The following LSAMP variants were observed in gnomAD, a reference collection of about 807,000 sequenced individuals.
The protein encoded by LSAMP is limbic system associated membrane protein, also known as limbic system-associated membrane protein.
LSAMP carries 7 observed loss-of-function variants against 38.6 expected under a neutral mutation model. That is an observed-to-expected ratio of 0.18 (90% CI 0.10 to 0.34). LSAMP has a LOEUF of 0.34. LSAMP is among the 10% of genes least tolerant of loss of function. The pLI is 1.00. For synonymous variants in LSAMP, 154 were observed against 166.8 expected, an observed-to-expected ratio of 0.92 and a Z score of 0.59; for missense variants, 313 against 420.0, an observed-to-expected ratio of 0.75 and a Z score of 2.23.
chr3:116,121,582 A>G (rs9289044), intron 1 of LSAMP, among the ~76,000 whole-genome samples: 19,380 of 152,158 alleles, frequency 0.13, 4,027 homozygotes, highest in African/African-American at 0.44. Flanking sequence ...TTGGCAGCAG[A>G]CATTCCTCTT....
At chr3:116,441,149 T>C (rs2107890015) in intron 1 of LSAMP, among the ~76,000 whole-genome samples, 1 of 152,362 alleles carries the variant, frequency 6.6e-6, no homozygotes, top group East Asian at 1.9e-4. Flanking sequence ...CTTGGGAATC[T>C]GTAATACTTG....
chr3:116,311,733 A>AT (rs2047561049), intron 1 of LSAMP, among the ~76,000 whole-genome samples: 1 of 152,174 alleles, frequency 6.6e-6, no homozygotes, highest in Non-Finnish European at 1.5e-5. Context: ...TTGTTGTACA[A>AT]TTTAAATAAG....
intron 1 of LSAMP, among the ~76,000 whole-genome samples, chr3:116,182,679 G>T (rs1348600679): frequency 6.6e-6 from 1 of 151,608 alleles, no homozygotes; most frequent in Non-Finnish European, 1.5e-5. Context: ...AGAATCACCT[G>T]TTTTTTTGAT....
At chr3:116,331,956 G>T (rs527921963) in intron 1 of LSAMP, among the ~76,000 whole-genome samples, 1 of 151,820 alleles carries the variant, frequency 6.6e-6, no homozygotes, top group African/African-American at 2.4e-5. Context: ...TCTCACCTCA[G>T]CCTCCCAAGT....
chr3:115,861,782 CT>C (rs570408935), intron 3 of LSAMP, among the ~76,000 whole-genome samples: 129 of 152,192 alleles, frequency 8.5e-4, no homozygotes, highest in African/African-American at 3.0e-3. Context: ...GGAGTATATT[CT>C]ATAGGTACTT....
chr3:116,387,534 AAACT>A (rs898626836), intron 1 of LSAMP, among the ~76,000 whole-genome samples: 1 of 152,140 alleles, frequency 6.6e-6, no homozygotes, highest in African/African-American at 2.4e-5. Context: ...TAACAAACAA[AAACT>A]AACAAAAAAA....
chr3:115,854,489 A>G (rs1321650542), intron 3 of LSAMP, among the ~76,000 whole-genome samples: 1 of 151,826 alleles, frequency 6.6e-6, no homozygotes, highest in Non-Finnish European at 1.5e-5. Context: ...TCACCGTGTT[A>G]GCCAAGATGG....
At chr3:116,238,734 C>T (rs1256568880) in intron 1 of LSAMP, among the ~76,000 whole-genome samples, 2 of 152,130 alleles carry the variant, frequency 1.3e-5, no homozygotes, top group Non-Finnish European at 2.9e-5. Context: ...ATCTGCCCCT[C>T]CTCTAAAATT....
At position 116,112,313 on chromosome 3, in the gene LSAMP, C is replaced by T. The variant is rs554373496; in HGVS notation, c.156-25757G>A. 7.2e-5 allele frequency among the ~76,000 whole-genome samples: 11 copies of T among 152,126 alleles called. No homozygotes were observed. The South Asian group carries it at 1.0e-3, about 14-fold the overall frequency. ...GATTGTGTGCACCTCAATAAAAGGACGCATAAGTATGATACAGGGCAGGAG... is the reference window on the plus strand; with the variant it reads ...GATTGTGTGCACCTCAATAAAAGGATGCATAAGTATGATACAGGGCAGGAG... On this transcript the variant is annotated intron_variant, in intron 1 of 6. Coordinates refer to ENST00000490035, the MANE Select transcript of LSAMP (RefSeq NM_002338.5).
intron 3 of LSAMP, among the ~76,000 whole-genome samples, chr3:115,997,309 G>A (rs1406589852): frequency 6.6e-6 from 1 of 152,006 alleles, no homozygotes; most frequent in Admixed American, 6.6e-5. Flanking sequence ...GATGGACAAT[G>A]TACATTCCAT....
intron 3 of LSAMP, among the ~76,000 whole-genome samples, chr3:115,927,964 A>G (rs557394021): frequency 1.2e-4 from 18 of 152,224 alleles, no homozygotes; most frequent in South Asian, 2.1e-4. Flanking sequence ...AATTTCATTT[A>G]CTGTGCCTAA....
chr3:115,875,781 C>T (rs1936164936), intron 3 of LSAMP, among the ~76,000 whole-genome samples: 1 of 151,954 alleles, frequency 6.6e-6, no homozygotes, highest in Admixed American at 6.6e-5. Flanking sequence ...TCATAGTTCC[C>T]ATCTACATGA....
At position 116,222,720 on chromosome 3, in the gene LSAMP, C is replaced by CTTTTTTTTTTTTTTTTTT. The variant is rs71141863; in HGVS notation, c.156-136182_156-136165dup. 8.0e-5 allele frequency among the ~76,000 whole-genome samples: 4 copies of CTTTTTTTTTTTTTTTTTT among 49,928 alleles called. 1 individual carries two copies. The highest frequency in any genetic ancestry group is 1.7e-4 in the African/African-American group (2 of 11,528). The allele number at this position is 49,928 out of a possible 152,430, so 32.8% of individuals were successfully genotyped here. A position where few individuals can be genotyped will look rare whatever the true frequency, so the allele number is the denominator to read the frequency against. On this transcript the variant is annotated intron_variant, in intron 1 of 6. Coordinates refer to ENST00000490035, the MANE Select transcript of LSAMP (RefSeq NM_002338.5). ...TTTTTTGCTCACCTTTCATCCTCTC[C>CTTTTTTTTTTTTTTTTTT]TTTTTTTTTTTTTTTTTTTTTTTTT...
At chr3:116,183,644 G>A (rs184915639) in intron 1 of LSAMP, among the ~76,000 whole-genome samples, 1 of 151,926 alleles carries the variant, frequency 6.6e-6, no homozygotes, top group East Asian at 1.9e-4. Flanking sequence ...CTGGCATACT[G>A]TTATTCAAAT....
At position 116,199,631 on chromosome 3, in the gene LSAMP, C is replaced by T. The variant is rs185031297; in HGVS notation, c.156-113075G>A. 9.6e-4 allele frequency among the ~76,000 whole-genome samples: 146 copies of T among 151,792 alleles called. 1 individual carries two copies. The East Asian group carries it at 0.019, about 20-fold the overall frequency. On this transcript the variant is annotated intron_variant, in intron 1 of 6. Transcript: ENST00000490035. ...AGCCATTATCAGGCAAATGTGTAGG[C>T]GAGAAGTAGAATGAAGACAAGACAG... is the stretch of plus-strand genomic sequence containing the variant.
At chr3:115,894,906 C>T (rs1936690361) in intron 3 of LSAMP, among the ~76,000 whole-genome samples, 1 of 151,982 alleles carries the variant, frequency 6.6e-6, no homozygotes, top group Non-Finnish European at 1.5e-5. Flanking sequence ...TTTAATCAAT[C>T]TATTTGCACT....
chr3:115,993,810 C>A (rs368365569), intron 3 of LSAMP, among the ~76,000 whole-genome samples: 9 of 152,092 alleles, frequency 5.9e-5, no homozygotes, highest in Non-Finnish European at 8.8e-5. Flanking sequence ...TATTAGTATG[C>A]AATTTTTTAT....
At chr3:116,409,679 G>A (rs889055828) in intron 1 of LSAMP, among the ~76,000 whole-genome samples, 8 of 151,982 alleles carry the variant, frequency 5.3e-5, no homozygotes, top group African/African-American at 9.7e-5. Flanking sequence ...AGACACAACC[G>A]AATATGAGGT....
intron 1 of LSAMP, among the ~76,000 whole-genome samples, chr3:116,197,799 G>A (rs899313282): frequency 1.3e-5 from 2 of 152,042 alleles, no homozygotes; most frequent in African/African-American, 4.8e-5. Flanking sequence ...TCCGATCCTT[G>A]CTTCCAATGA....
Sources: gnomAD v4.1 joint callset for allele counts (sites outside exome capture counted in the v4.1 genomes callset) on GRCh38, gnomAD v4.1.1 for gene constraint, MANE v1.5 for transcripts, NCBI Gene and HGNC (gene_info 2026-07-23, HGNC 2026-07-21) for gene names.